Variants in MIB1 observed in about 807,000 individuals in gnomAD.
MIB1 encodes the protein MIB E3 ubiquitin protein ligase 1.
MIB1 carries 278 observed loss-of-function variants against 124.5 expected under a neutral mutation model. The observed-to-expected ratio is 2.23, with a 90% CI of 2.02 to 2.47. MIB1 has a LOEUF of 2.47. Among genes scored for constraint, MIB1 ranks in the 30% most tolerant of loss-of-function variants. The probability of loss-of-function intolerance (pLI) is 0.00; values close to 1 mark genes in which losing one functional copy is unlikely to be tolerated. For missense variants in MIB1, 957 were observed against 1,254.4 expected, an observed-to-expected ratio of 0.76 and a Z score of 3.58; for synonymous variants, 446 against 429.4, an observed-to-expected ratio of 1.04 and a Z score of -0.48.
intron 15 of MIB1, 57 bp downstream of exon 15, chr18:21,844,310 C>T: frequency 6.7e-7 from 1 of 1,503,746 alleles, no homozygotes. Flanking sequence ...CATGCAAGAT[C>T]TTATATTTAC....
rs185056707 is a variant in MIB1 at position 21,764,286 on chromosome 18, G to C, written c.230-1486G>C. Among the ~76,000 whole-genome samples, 39 of 151,478 alleles carry C rather than the reference G, an allele frequency of 2.6e-4. No homozygotes were observed. In the East Asian group the frequency reaches 7.4e-3, roughly 29 times the overall value. On this transcript the variant is annotated intron_variant, in intron 1 of 20. Coordinates refer to ENST00000261537, the MANE Select transcript of MIB1 (RefSeq NM_020774.4). ...CTGCCTTCCCTCCCTCTTCCTTCCT[G>C]ATCCTTGCCCCTCCCCTCCCTTTCC...
intron 1 of MIB1, among the ~76,000 whole-genome samples, chr18:21,763,485 A>G (rs978148099): frequency 2.6e-5 from 4 of 152,070 alleles, no homozygotes; most frequent in Non-Finnish European, 5.9e-5. Context: ...ATTTCTGTGG[A>G]ACTTTTCCTG....
chr18:21,844,767 C>A (rs1467041061), intron 15 of MIB1, among the ~76,000 whole-genome samples: 1 of 152,020 alleles, frequency 6.6e-6, no homozygotes, highest in East Asian at 1.9e-4. Context: ...CAAATAGATA[C>A]GTAGTGGTAT....
Position 21,741,701 on chromosome 18 carries a change from C to A in MIB1, c.118C>A (p.Arg40=), listed in dbSNP as rs752663025. 5 of 1,611,510 alleles carry A rather than the reference C, an allele frequency of 3.1e-6. No individual in the cohort carries two copies. The highest frequency in any genetic ancestry group is 4.2e-6 in the Non-Finnish European group (5 of 1,179,364). ...DGGEGHVGTV[R]SFESPEEVVV... ...CGGCGAGGGCCATGTGGGCACCGTC[C>A]GGAGCTTCGAGAGCCCCGAGGAGGT... Residue 40 remains arginine, a synonymous_variant, in exon 1 of 21, where the codon CGG becomes AGG. Transcript: ENST00000261537. This position sits in a 1 kb window ranked among gnomAD's most constrained non-coding sequence, Gnocchi z 5.4.
intron 1 of MIB1, among the ~76,000 whole-genome samples, chr18:21,743,114 A>G (rs2040873391): frequency 6.6e-6 from 1 of 152,210 alleles, no homozygotes; most frequent in Non-Finnish European, 1.5e-5. Flanking sequence ...AAAAGGGTGT[A>G]TGTACATGAC....
rs2042337323 is a variant in MIB1 at position 21,868,717 on chromosome 18, G to T, written c.*4051G>T. The T allele has an allele frequency of 6.6e-6, 1 of 152,358 alleles. No homozygotes were observed. The highest frequency in any genetic ancestry group is 6.6e-5 in the Admixed American group (1 of 15,248). The allele number at this position is 152,358 out of a possible 1,614,324, so 9.4% of individuals were successfully genotyped here. On this transcript the variant is annotated 3_prime_UTR_variant, in exon 21 of 21. Coordinates refer to ENST00000261537, the MANE Select transcript of MIB1 (RefSeq NM_020774.4). ...ATAGGAATGCTTACTGATATTACTT[G>T]ATAGTCATATATAGCCTAGGAAATT...
intron 19 of MIB1, among the ~76,000 whole-genome samples, chr18:21,857,840 T>C (rs1461853802): frequency 6.6e-6 from 1 of 152,264 alleles, no homozygotes; most frequent in Non-Finnish European, 1.5e-5. Context: ...CTTTGTTCTC[T>C]GAACATGTTT....
At chr18:21,832,699 C>T (rs2041995025) in intron 12 of MIB1, among the ~76,000 whole-genome samples, 1 of 152,094 alleles carries the variant, frequency 6.6e-6, no homozygotes, top group Admixed American at 6.5e-5. Context: ...AATATCATAG[C>T]AGTTTAATTA....
Position 21,773,747 on chromosome 18 carries a change from T to C in MIB1, c.636+19T>C. ...GGGCATGGTAAGTAGTGAAGAGCCA[T>C]AGCAGGTGAAAGAAAATGTTGGATG... On this transcript the variant is annotated intron_variant, in intron 4 of 20. Transcript: ENST00000261537. 1 of 1,497,796 alleles carries C rather than the reference T, an allele frequency of 6.7e-7. No individual in the cohort carries two copies. Among genetic ancestry groups the C allele is most frequent in the Non-Finnish European group, 9.1e-7 (1 of 1,103,990 alleles). 92.8% of individuals were successfully genotyped at this position (1,497,796 alleles called of 1,614,324 possible).
intron 6 of MIB1, among the ~76,000 whole-genome samples, chr18:21,780,625 A>G (rs545291072): frequency 7.2e-5 from 11 of 152,180 alleles, no homozygotes; most frequent in South Asian, 4.1e-4. Flanking sequence ...GTTCTATTCT[A>G]TTTTTAGAGA....
chr18:21,855,557 A>G (rs969497854), intron 18 of MIB1, among the ~76,000 whole-genome samples: 9 of 152,252 alleles, frequency 5.9e-5, no homozygotes, highest in African/African-American at 1.9e-4. Flanking sequence ...CCAGATTTCT[A>G]CTTAACGTTG....
intron 6 of MIB1, among the ~76,000 whole-genome samples, chr18:21,780,598 G>A (rs1211713170): frequency 6.6e-6 from 1 of 152,114 alleles, no homozygotes; most frequent in Non-Finnish European, 1.5e-5. Flanking sequence ...ATACTCCTTT[G>A]GGTATATGTA....
intron 8 of MIB1, among the ~76,000 whole-genome samples, chr18:21,798,447 G>A (rs531170311): frequency 6.6e-6 from 1 of 152,030 alleles, no homozygotes; most frequent in Non-Finnish European, 1.5e-5. Flanking sequence ...AGTACTCCCT[G>A]GAGAAGTTCC....
At chr18:21,707,208 G>A (rs1289242575) in intron 1 of MIB1, among the ~76,000 whole-genome samples, 2 of 152,202 alleles carry the variant, frequency 1.3e-5, no homozygotes, top group Admixed American at 1.3e-4. Flanking sequence ...TCAGCACCCT[G>A]TGTCTAGCTC....
intron 13 of MIB1, among the ~76,000 whole-genome samples, chr18:21,840,395 C>T (rs540574074): frequency 6.6e-6 from 1 of 151,598 alleles, no homozygotes; most frequent in Non-Finnish European, 1.5e-5. Context: ...AGTAGATATC[C>T]GTATACCAAA....
chr18:21,743,249 C>T (rs1030154022), intron 1 of MIB1, among the ~76,000 whole-genome samples: 11 of 152,146 alleles, frequency 7.2e-5, no homozygotes, highest in Admixed American at 2.6e-4. Flanking sequence ...TAAATCTAAT[C>T]CCCTTTTAAG....
chr18:21,792,714 A>T (rs191394949), intron 7 of MIB1, among the ~76,000 whole-genome samples: 65 of 152,302 alleles, frequency 4.3e-4, no homozygotes, highest in Non-Finnish European at 8.5e-4. Context: ...CAAGAGGGTG[A>T]TGTTATAGCA....
At chr18:21,773,519 G>T (rs1479597099) in intron 3 of MIB1, 105 bp from the exon 4 acceptor site, 1 of 710,132 alleles carries the variant, frequency 1.4e-6, no homozygotes, top group Non-Finnish European at 2.4e-6. Flanking sequence ...CTGTTACACA[G>T]GTTGCTAGAT....
At chr18:21,766,127 A>G (rs528217517) in intron 2 of MIB1, among the ~76,000 whole-genome samples, 184 bp downstream of exon 2, 2 of 152,306 alleles carry the variant, frequency 1.3e-5, no homozygotes, top group East Asian at 3.9e-4. Context: ...CTCTTTGAAG[A>G]TGGAGCTGTC....
Sources: allele counts gnomAD v4.1 joint callset (sites outside exome capture counted in the v4.1 genomes callset), GRCh38; gene constraint gnomAD v4.1.1; non-coding constraint Gnocchi (gnomAD v3.1); transcripts MANE v1.5; gene names NCBI Gene and HGNC (gene_info 2026-07-23, HGNC 2026-07-21).